DDX11: variants seen among roughly 807,000 people sequenced by gnomAD.
DDX11 encodes the protein DEAD/H-box helicase 11.
In DDX11, 72 loss-of-function variants were observed where a neutral mutation model predicts 125.2. That is an observed-to-expected ratio of 0.58 (90% CI 0.48 to 0.70). The LOEUF is 0.70. DDX11 is among the 30% of genes least tolerant of loss of function. The pLI is 0.00. For synonymous variants in DDX11, 347 were observed against 452.6 expected, an observed-to-expected ratio of 0.77 and a Z score of 2.96; for missense variants, 883 against 1,165.0, an observed-to-expected ratio of 0.76 and a Z score of 3.52.
Position 31,104,646 on chromosome 12 carries a change from CCT to C in DDX11, c.*813_*814del, listed in dbSNP as rs761000918. ...CCCTGCTGACTGCGCCTGTCTTCTC[CCT>C]CTGACCCCAGAGAAAGGGGCTGTGG... is the stretch of plus-strand genomic sequence containing the variant. On this transcript the variant is annotated 3_prime_UTR_variant, in exon 27 of 27. Transcript: ENST00000542838. The C allele has an allele frequency of 1.3e-5, 2 of 154,680 alleles. No homozygotes were observed. The highest frequency in any genetic ancestry group is 2.9e-5 in the Non-Finnish European group (2 of 69,766). 9.6% of individuals were successfully genotyped at this position (154,680 alleles called of 1,614,324 possible). A position where few individuals can be genotyped will look rare whatever the true frequency, so the allele number is the denominator to read the frequency against.
Position 31,103,349 on chromosome 12 carries a change from G to A in DDX11, c.2490G>A (p.Lys830=), listed in dbSNP as rs774298416. Residue 830 remains lysine, a synonymous_variant, in exon 25 of 27, where the codon AAG becomes AAA. Transcript: ENST00000542838. ...PRAPGQAPPG[K]ALVENLCMKA... is the part of the protein sequence containing the mutation. ...CCCCCGGCCAGGCACCCCCAGGGAA[G>A]GCTCTGGTGGAGAACCTGTGCATGA... 1 of 1,611,130 alleles carries A rather than the reference G, an allele frequency of 6.2e-7. No homozygotes were observed. The highest frequency in any genetic ancestry group is 2.2e-5 in the East Asian group (1 of 44,866).
intron 1 of DDX11, chr12:31,077,093 G>A (rs922427353): frequency 2.0e-5 from 3 of 152,084 alleles, no homozygotes; most frequent in African/African-American, 4.8e-5. Context: ...ATGGGCTCTC[G>A]ATCTACTAAT....
At chr12:31,082,897 G>C (rs1942257584) in intron 2 of DDX11, among the ~76,000 whole-genome samples, 2 of 152,154 alleles carry the variant, frequency 1.3e-5, no homozygotes, top group African/African-American at 4.8e-5. Context: ...TGTTCTCCTT[G>C]GGTATCATCA....
Position 31,093,306 on chromosome 12 carries a change from T to C in DDX11, c.1351T>C (p.Phe451Leu). 1 of 1,613,630 alleles carries C rather than the reference T, an allele frequency of 6.2e-7. No homozygotes were observed. The highest frequency in any genetic ancestry group is 8.5e-7 in the Non-Finnish European group (1 of 1,179,778). ...LKQILYLLEK[F>L]VAVLGGNIKQ... ...GCAGATCCTGTATTTGCTGGAGAAATTCGTGGCTGTGCTAGGGGGTGAGAG... is the reference window on the plus strand; with the variant it reads ...GCAGATCCTGTATTTGCTGGAGAAACTCGTGGCTGTGCTAGGGGGTGAGAG... The change falls in exon 12 of 27, where the codon TTC becomes CTC. Residue 451 changes from phenylalanine (F) to leucine (L), a missense_variant. This residue lies in a region of DDX11 where 241 missense variants were observed against 279.7 expected (regional missense o/e 0.86). Transcript: ENST00000542838.
rs933412668 is a variant in DDX11 at position 31,078,385 on chromosome 12, C to A, written c.-4-5C>A. 3.7e-6 allele frequency: 6 copies of A among 1,609,282 alleles called. No homozygotes were observed. In the African/African-American group the frequency reaches 8.0e-5, roughly 22 times the overall value. ...GCTCCCTAATGTTGTATTTATTTTT[C>A]CTAGGTCCATGGCTAATGAAACACA... is the stretch of plus-strand genomic sequence containing the variant. On this transcript the variant is annotated splice_region_variant and splice_polypyrimidine_tract_variant and intron_variant, in intron 1 of 26. Coordinates refer to ENST00000542838, the MANE Select transcript of DDX11 (RefSeq NM_030653.4).
rs190343326 is a variant in DDX11, at chr12:31,103,973, C to A, written c.*137C>A. 2,720 of 1,578,488 alleles carry A rather than the reference C, an allele frequency of 1.7e-3. 42 individuals carry two copies. In the African/African-American group the frequency reaches 0.032, roughly 18 times the overall value. On this transcript the variant is annotated 3_prime_UTR_variant, in exon 27 of 27. Transcript: ENST00000542838. ...GGAGGAGAGTGTGGAGTCCAGAGTG[C>A]TGCCAGGACCCAGGCACAGGCGTTA...
intron 1 of DDX11, chr12:31,078,002 C>T (rs1245511648): frequency 8.3e-6 from 3 of 361,340 alleles, no homozygotes; most frequent in African/African-American, 2.1e-5. Context: ...ATTGCAGAGA[C>T]GTGGGAGAAG....
intron 17 of DDX11, among the ~76,000 whole-genome samples, 177 bp downstream of exon 17, chr12:31,097,167 G>A (rs1945401595): frequency 6.8e-6 from 1 of 146,354 alleles, no homozygotes; most frequent in Admixed American, 6.7e-5. Context: ...TGGATGGGAG[G>A]AGATCGAAGG....
In DDX11 at chr12:31,085,040, T is replaced by C; in HGVS notation, c.552T>C (p.Ala184=). The change falls in exon 5 of 27, where the codon GCT becomes GCC. Residue 184 remains alanine, a synonymous_variant. Coordinates refer to ENST00000542838, the MANE Select transcript of DDX11 (RefSeq NM_030653.4). ...AGATGCTAGAGACAGGCCCGGAGGC[T>C]GAGCGGCTGGAGCAGCTGGAGTCTG... ...SREMLETGPE[A]ERLEQLESGE... is the part of the protein sequence containing the mutation. 1.9e-6 allele frequency: 3 copies of C among 1,611,400 alleles called. No individual in the cohort carries two copies. The highest frequency in any genetic ancestry group is 2.5e-6 in the Non-Finnish European group (3 of 1,178,684).
chr12:31,099,174 G>T (rs146813314), intron 18 of DDX11, among the ~76,000 whole-genome samples: 1,810 of 141,598 alleles, frequency 0.013, 31 homozygotes, highest in African/African-American at 0.047. Context: ...TGCAACCTCT[G>T]CCTCCGGGGT....
At chr12:31,099,673 A>G (rs1440461769) in intron 18 of DDX11, among the ~76,000 whole-genome samples, 1 of 151,982 alleles carries the variant, frequency 6.6e-6, no homozygotes, top group Non-Finnish European at 1.5e-5. Flanking sequence ...TGTCAGTTTC[A>G]TAGATAACTA....
Position 31,096,942 on chromosome 12 carries a change from G to C in DDX11, c.1714G>C (p.Ala572Pro), listed in dbSNP as rs1945353503. The change falls in exon 17 of 27, where the codon GCT (alanine) becomes CCT (proline). Residue 572 changes from alanine (A) to proline (P), a missense_variant. Ala to Pro is a conservative substitution (Grantham distance 27). Coordinates refer to ENST00000542838, the MANE Select transcript of DDX11 (RefSeq NM_030653.4). ...PLMHIQGFLA[A>P]LTTANQDGRV... The stretch of plus-strand genomic sequence containing the variant: ...GATGCACATCCAAGGCTTCCTGGCA[G>C]CTCTCACTACGGCCAACCAGGACGG... 1 of 1,613,976 alleles carries C rather than the reference G, an allele frequency of 6.2e-7. No homozygotes were observed. The highest frequency in any genetic ancestry group is 1.1e-5 in the South Asian group (1 of 91,042).
intron 1 of DDX11, among the ~76,000 whole-genome samples, chr12:31,075,784 G>T (rs1257947350): frequency 6.6e-6 from 1 of 152,216 alleles, no homozygotes; most frequent in African/African-American, 2.4e-5. Context: ...AGACAGACAA[G>T]GTTCCTCTAT....
intron 1 of DDX11, among the ~76,000 whole-genome samples, chr12:31,074,849 C>T (rs1296479566): frequency 6.6e-6 from 1 of 152,188 alleles, no homozygotes; most frequent in Non-Finnish European, 1.5e-5. Flanking sequence ...TGGTCAGCCC[C>T]GGCTGCCATG....
At chr12:31,089,763 T>G in intron 8 of DDX11, 123 bp from the exon 9 acceptor site, 1 of 1,517,150 alleles carries the variant, frequency 6.6e-7, no homozygotes, top group Non-Finnish European at 8.9e-7. Context: ...TAGGCAGTAC[T>G]TGGGAGGGTC....
chr12:31,082,845 G>A (rs1308858009), intron 2 of DDX11, among the ~76,000 whole-genome samples: 2 of 152,220 alleles, frequency 1.3e-5, no homozygotes, highest in Non-Finnish European at 2.9e-5. Flanking sequence ...GGTCGTGAGG[G>A]AAAGATCTCT....
At chr12:31,082,315 T>C (rs976947275) in intron 2 of DDX11, among the ~76,000 whole-genome samples, 35 of 151,534 alleles carry the variant, frequency 2.3e-4, no homozygotes, top group Non-Finnish European at 5.9e-5. Context: ...ATTTGGCCTT[T>C]TGTGTGTGTT....
intron 2 of DDX11, 152 bp downstream of exon 2, chr12:31,078,689 CT>C (rs35973448): frequency 0.18 from 142,596 of 809,834 alleles, no homozygotes; most frequent in Non-Finnish European, 0.19. Flanking sequence ...CTATTAAAGT[CT>C]TTTTTTTTTT....
Position 31,103,980 on chromosome 12 carries a change from G to T in DDX11, c.*144G>T, listed in dbSNP as rs776063026. On this transcript the variant is annotated 3_prime_UTR_variant, in exon 27 of 27. Coordinates refer to ENST00000542838, the MANE Select transcript of DDX11 (RefSeq NM_030653.4). ...AGTGTGGAGTCCAGAGTGCTGCCAG[G>T]ACCCAGGCACAGGCGTTAGCTCCCG... 6.4e-7 allele frequency: 1 copy of T among 1,574,448 alleles called. No individual in the cohort carries two copies. The highest frequency in any genetic ancestry group is 1.2e-5 in the South Asian group (1 of 86,868).
Sources: allele counts gnomAD v4.1 joint callset (sites outside exome capture counted in the v4.1 genomes callset), GRCh38; gene constraint gnomAD v4.1.1; regional missense constraint gnomAD v4.1.1; transcripts MANE v1.5; gene names NCBI Gene and HGNC (gene_info 2026-07-23, HGNC 2026-07-21).